METTL25: variants seen among roughly 807,000 people sequenced by gnomAD.
METTL25 encodes methyltransferase like 25, also known as probable methyltransferase-like protein 25.
METTL25 carries 64 observed loss-of-function variants against 71.6 expected under a neutral mutation model. The ratio of observed to expected loss-of-function variants is 0.89; its 90% CI spans 0.73 to 1.10. The LOEUF (loss-of-function observed/expected upper bound fraction) is 1.10, where lower values mean the gene tolerates loss of function less well. Among genes scored for constraint, METTL25 ranks in the 50% least tolerant of loss-of-function variants. METTL25 has a pLI of 0.00. For missense variants in METTL25, 807 were observed against 707.0 expected (o/e 1.14, Z -1.60); for synonymous variants, 287 against 250.3 (o/e 1.15, Z -1.38).
chr12:82,375,721 G>A (rs1461169325), intron 1 of METTL25, among the ~76,000 whole-genome samples: 1 of 152,184 alleles, frequency 6.6e-6, no homozygotes. Context: ...TGAGAAGAAG[G>A]AATAGACAAC....
chr12:82,384,395 CTG>C (rs1491071781), intron 1 of METTL25, among the ~76,000 whole-genome samples: 17 of 92,720 alleles, frequency 1.8e-4, no homozygotes, highest in African/African-American at 6.3e-4. Flanking sequence ...CTCTCTCTCT[CTG>C]TCTTCCTCCC....
chr12:82,363,218 A>G (rs574463760), intron 1 of METTL25, among the ~76,000 whole-genome samples: 2 of 152,310 alleles, frequency 1.3e-5, no homozygotes, highest in South Asian at 4.1e-4. Context: ...CCTAGCAGAA[A>G]CACTGGCAAA....
At chr12:82,464,707 T>C (rs1336762060) in intron 9 of METTL25, among the ~76,000 whole-genome samples, 4 of 151,968 alleles carry the variant, frequency 2.6e-5, no homozygotes, top group Admixed American at 2.0e-4. Context: ...TTGGGTAGTA[T>C]GGTCATTTTA....
At chr12:82,447,785 T>C (rs1361209639) in intron 8 of METTL25, among the ~76,000 whole-genome samples, 1 of 152,144 alleles carries the variant, frequency 6.6e-6, no homozygotes, top group Non-Finnish European at 1.5e-5. Context: ...GCCTTACACA[T>C]GTTTTGTAAA....
At chr12:82,438,208 T>C (rs1171572782) in intron 7 of METTL25, among the ~76,000 whole-genome samples, 2 of 151,714 alleles carry the variant, frequency 1.3e-5, no homozygotes, top group African/African-American at 4.8e-5. Flanking sequence ...TTTTCAACTC[T>C]GTAGTAACCA....
intron 8 of METTL25, among the ~76,000 whole-genome samples, chr12:82,452,271 T>C (rs1047789078): frequency 9.2e-5 from 14 of 152,200 alleles, no homozygotes; most frequent in African/African-American, 3.1e-4. Flanking sequence ...TGAATAATCC[T>C]ATTCTGCCCT....
rs1287861701 is a variant in METTL25, at chr12:82,364,336, C to A, written c.259+5512C>A. On this transcript the variant is annotated intron_variant, in intron 1 of 11. Transcript: ENST00000248306. ...CATTCACGGAGGTGGCTAGTTGGTGCAGGCTGTTGGCATGAGGTCTCAGTT... is the reference window on the plus strand; with the variant it reads ...CATTCACGGAGGTGGCTAGTTGGTGAAGGCTGTTGGCATGAGGTCTCAGTT... 2.0e-5 allele frequency among the ~76,000 whole-genome samples: 3 copies of A among 152,192 alleles called. No homozygotes were observed. The East Asian group carries it at 5.8e-4, about 29-fold the overall frequency.
intron 6 of METTL25, among the ~76,000 whole-genome samples, chr12:82,432,508 G>T (rs1592715199): frequency 6.6e-6 from 1 of 151,478 alleles, no homozygotes; most frequent in Non-Finnish European, 1.5e-5. Flanking sequence ...TAAAAGAAAA[G>T]AACTATGTAA....
Position 82,446,147 on chromosome 12 carries a change from C to G in METTL25, c.1478+7356C>G, listed in dbSNP as rs529738368. ...ATAACAATTGTAAATGTATGTGCAC[C>G]CAGCACCAGAGCATGAAAATATATA... On this transcript the variant is annotated intron_variant, in intron 8 of 11. Transcript: ENST00000248306. Among the ~76,000 whole-genome samples the G allele has an allele frequency of 6.1e-4, 92 of 152,060 alleles. No individual in the cohort carries two copies. The South Asian group carries it at 0.018, about 30-fold the overall frequency.
At chr12:82,450,909 C>T (rs1348267701) in intron 8 of METTL25, among the ~76,000 whole-genome samples, 3 of 152,084 alleles carry the variant, frequency 2.0e-5, no homozygotes, top group African/African-American at 7.2e-5. Context: ...ACCATCACTC[C>T]TCTCTAACCT....
At chr12:82,396,687 A>G (rs1420964350) in intron 3 of METTL25, among the ~76,000 whole-genome samples, 1 of 152,122 alleles carries the variant, frequency 6.6e-6, no homozygotes, top group Admixed American at 6.6e-5. Flanking sequence ...TGGTAATTAT[A>G]ACAGTTAATG....
chr12:82,472,079 A>G (rs753508554), intron 9 of METTL25, among the ~76,000 whole-genome samples: 83 of 152,294 alleles, frequency 5.4e-4, no homozygotes, highest in Admixed American at 1.0e-3. Flanking sequence ...TCCATTACCT[A>G]CAATCTGTCT....
chr12:82,386,947 G>A lies in METTL25; in HGVS notation c.404G>A (p.Gly135Glu), dbSNP rs1592626956. 3 of 1,612,596 alleles carry A rather than the reference G, an allele frequency of 1.9e-6. No individual in the cohort carries two copies. Among genetic ancestry groups the A allele is most frequent in the African/African-American group, 2.7e-5 (2 of 74,850 alleles). ...PFEQLLVALR[G>E]NQNQRIGENQ... Reference sequence around the variant, plus strand: ...GAACAGTTGCTTGTAGCCCTTCGAGGAAATCAAAACCAGAGAATTGGTATG... The same window carrying A: ...GAACAGTTGCTTGTAGCCCTTCGAGAAAATCAAAACCAGAGAATTGGTATG... The change falls in exon 2 of 12, where the codon GGA (glycine) becomes GAA (glutamate). Residue 135 changes from glycine (G) to glutamate (E), a missense_variant. Coordinates refer to ENST00000248306, the MANE Select transcript of METTL25 (RefSeq NM_032230.3).
At chr12:82,399,963 G>A (rs1341053833) in intron 4 of METTL25, among the ~76,000 whole-genome samples, 2 of 128,690 alleles carry the variant, frequency 1.6e-5, no homozygotes, top group Non-Finnish European at 1.7e-5. Flanking sequence ...AAAAAAAAAA[G>A]GTAGCTTTTG....
chr12:82,476,281 G>GC, intron 9 of METTL25: 1 of 168,968 alleles, frequency 5.9e-6, no homozygotes, highest in South Asian at 1.7e-4. Flanking sequence ...AAAATGTCTT[G>GC]TTTTAGATAC....
intron 9 of METTL25, chr12:82,468,578 A>G (rs542058773): frequency 1.3e-5 from 2 of 152,374 alleles, no homozygotes; most frequent in East Asian, 1.9e-4. Flanking sequence ...TCTATGATGG[A>G]GAGGTGTCAT....
chr12:82,404,977 C>T (rs139442015), intron 5 of METTL25, among the ~76,000 whole-genome samples: 2 of 152,040 alleles, frequency 1.3e-5, no homozygotes, highest in Admixed American at 1.3e-4. Context: ...GAGTCACTAT[C>T]CTTACACTAC....
chr12:82,456,626 T>C (rs1421085998), intron 8 of METTL25, 101 bp from the exon 9 acceptor site: 2 of 628,274 alleles, frequency 3.2e-6, no homozygotes, highest in Non-Finnish European at 5.5e-6. Flanking sequence ...GATCTTGTGC[T>C]ATATCCACAG....
rs765306575 is a variant in METTL25 at position 82,386,804 on chromosome 12, T to C, written c.261T>C (p.Gly87=). The C allele has an allele frequency of 6.2e-7, 1 of 1,612,476 alleles. No homozygotes were observed. Among genetic ancestry groups the C allele is most frequent in the South Asian group, 1.1e-5 (1 of 90,988 alleles). Residue 87 remains glycine, a splice_region_variant and synonymous_variant, in exon 2 of 12, where the codon GGT becomes GGC. Transcript: ENST00000248306. ...RPLVEAEWEA[G]MTDFPKIFCE... The stretch of plus-strand genomic sequence containing the variant: ...CTTTTTCTGTCTTCACTTTTTTAGG[T>C]ATGACTGATTTTCCCAAAATATTTT...
Sources: allele counts gnomAD v4.1 joint callset (sites outside exome capture counted in the v4.1 genomes callset), GRCh38; gene constraint gnomAD v4.1.1; transcripts MANE v1.5; gene names NCBI Gene and HGNC (gene_info 2026-07-23, HGNC 2026-07-21).